ITPK1: variants seen among roughly 807,000 people sequenced by gnomAD.
The protein encoded by ITPK1 is inositol 1,3,4-trisphosphate 5/6-kinase.
In ITPK1, 21 loss-of-function variants were observed where a neutral mutation model predicts 45.3. The observed-to-expected ratio is 0.46, with a 90% confidence interval of 0.33 to 0.67. The LOEUF (loss-of-function observed/expected upper bound fraction) is 0.67. Among genes scored for constraint, ITPK1 ranks in the 30% least tolerant of loss-of-function variants. ITPK1 has a pLI of 0.02. For synonymous variants in ITPK1, 258 were observed against 253.6 expected, an observed-to-expected ratio of 1.02 and a Z score of -0.16; for missense variants, 474 against 573.5, an observed-to-expected ratio of 0.83 and a Z score of 1.77.
At chr14:92,973,388 G>T (rs1385416929) in intron 5 of ITPK1, among the ~76,000 whole-genome samples, 1 of 152,194 alleles carries the variant, frequency 6.6e-6, no homozygotes, top group Non-Finnish European at 1.5e-5. Flanking sequence ...AAGGAGGAGG[G>T]GCCTGCAATC....
intron 3 of ITPK1, among the ~76,000 whole-genome samples, chr14:93,022,806 G>A (rs562720806): frequency 1.3e-5 from 2 of 151,920 alleles, no homozygotes; most frequent in South Asian, 2.1e-4. Flanking sequence ...GATTACAGGC[G>A]TGAGCCACTG....
At chr14:93,049,047 A>G (rs186063394) in intron 3 of ITPK1, among the ~76,000 whole-genome samples, 2 of 152,366 alleles carry the variant, frequency 1.3e-5, no homozygotes, top group Admixed American at 1.3e-4. Flanking sequence ...GAAGCATCTC[A>G]TAACAGGCTC....
chr14:93,048,493 A>C (rs1307221722), intron 3 of ITPK1, among the ~76,000 whole-genome samples: 1 of 152,140 alleles, frequency 6.6e-6, no homozygotes, highest in East Asian at 1.9e-4. Flanking sequence ...TACTCCTTTC[A>C]AGTTTCTATT....
At chr14:93,029,275 C>T (rs920081892) in intron 3 of ITPK1, among the ~76,000 whole-genome samples, 1 of 152,118 alleles carries the variant, frequency 6.6e-6, no homozygotes. Flanking sequence ...AGAGCCAACA[C>T]CTCACACTGC....
In ITPK1 at chr14:93,110,088, A is replaced by G. The variant is rs533459276; in HGVS notation, c.95+4981T>C. Among the ~76,000 whole-genome samples, 5 of 152,266 alleles carry G rather than the reference A, an allele frequency of 3.3e-5. No individual in the cohort carries two copies. In the South Asian group the frequency reaches 1.0e-3, roughly 32 times the overall value. On this transcript the variant is annotated intron_variant, in intron 2 of 10. Transcript: ENST00000267615. ...TGAGGAAAGTGAGGCACAGAGGGGT[A>G]GGGAATGTGTCGAGGGTCATGGGGC... is the stretch of plus-strand genomic sequence containing the variant.
intron 2 of ITPK1, among the ~76,000 whole-genome samples, chr14:93,092,667 G>T (rs954369852): frequency 6.6e-6 from 1 of 152,250 alleles, no homozygotes; most frequent in African/African-American, 2.4e-5. Context: ...CATCCAGTAG[G>T]TGGAGGCCAG....
chr14:93,044,565 G>GC (rs1889698420), intron 3 of ITPK1, among the ~76,000 whole-genome samples: 1 of 152,150 alleles, frequency 6.6e-6, no homozygotes, highest in South Asian at 2.1e-4. Context: ...GAGCCACAGG[G>GC]CCCCCCAGGT....
At position 92,940,145 on chromosome 14, in the gene ITPK1, C is replaced by A; in HGVS notation, c.*1416G>T. On this transcript the variant is annotated 3_prime_UTR_variant, in exon 11 of 11. Transcript: ENST00000267615. ...TGAGCCAGGCCGAAGGACCTCCATGCACTGGCTCGGGGGCCTCTCTCGGGA... is the reference window on the plus strand; with the variant it reads ...TGAGCCAGGCCGAAGGACCTCCATGAACTGGCTCGGGGGCCTCTCTCGGGA... 1 of 985,854 alleles carries A rather than the reference C, an allele frequency of 1.0e-6. No homozygotes were observed. The highest frequency in any genetic ancestry group is 1.2e-6 in the Non-Finnish European group (1 of 830,100). 61.1% of individuals were successfully genotyped at this position (985,854 alleles called of 1,614,324 possible).
intron 3 of ITPK1, among the ~76,000 whole-genome samples, chr14:93,061,229 T>G (rs61991666): frequency 6.6e-6 from 1 of 152,256 alleles, no homozygotes; most frequent in Non-Finnish European, 1.5e-5. Flanking sequence ...TGATAAGTAC[T>G]TTGACACTGT....
chr14:92,993,484 C>T (rs1036437179), intron 5 of ITPK1, among the ~76,000 whole-genome samples: 7 of 152,132 alleles, frequency 4.6e-5, no homozygotes, highest in Non-Finnish European at 1.0e-4. Flanking sequence ...TACATCTCCA[C>T]GTGTTTGATT....
intron 2 of ITPK1, among the ~76,000 whole-genome samples, chr14:93,080,119 T>C (rs572881679): frequency 3.9e-5 from 6 of 152,286 alleles, no homozygotes; most frequent in African/African-American, 1.4e-4. Flanking sequence ...CTCCAAGACG[T>C]TGCTGTGTGA....
intron 10 of ITPK1, among the ~76,000 whole-genome samples, chr14:92,942,435 G>A (rs1177656113): frequency 1.3e-5 from 2 of 152,204 alleles, no homozygotes; most frequent in African/African-American, 4.8e-5. Flanking sequence ...CCAGGTGGAG[G>A]CTGCTGTGGC....
chr14:92,995,876 T>C (rs1481955681), intron 4 of ITPK1, among the ~76,000 whole-genome samples: 1 of 152,232 alleles, frequency 6.6e-6, no homozygotes, highest in Non-Finnish European at 1.5e-5. Flanking sequence ...CCACACCCAG[T>C]GCCTCTCTCC....
intron 3 of ITPK1, among the ~76,000 whole-genome samples, chr14:93,017,364 A>C (rs1888232881): frequency 6.6e-6 from 1 of 152,238 alleles, no homozygotes; most frequent in South Asian, 2.1e-4. Flanking sequence ...TTCACACTGA[A>C]ATCTGGGCTC....
chr14:93,050,367 C>T (rs1377286956), intron 3 of ITPK1, among the ~76,000 whole-genome samples: 1 of 152,126 alleles, frequency 6.6e-6, no homozygotes, highest in Non-Finnish European at 1.5e-5. Flanking sequence ...CGAATATGTC[C>T]TGTCTAGGGA....
At chr14:92,941,988 T>C (rs1294062436) in intron 10 of ITPK1, 84 bp from the exon 11 acceptor site, 7 of 1,182,100 alleles carry the variant, frequency 5.9e-6, no homozygotes, top group African/African-American at 3.1e-5. Flanking sequence ...GCAGAACCGA[T>C]GGGCTCCTGG....
At chr14:93,019,206 C>T (rs1369171411) in intron 3 of ITPK1, among the ~76,000 whole-genome samples, 4 of 152,194 alleles carry the variant, frequency 2.6e-5, no homozygotes, top group Admixed American at 1.3e-4. Context: ...GCGACGCATC[C>T]GGGCCCACAG....
rs1890605557 is a variant in ITPK1 at position 93,063,196 on chromosome 14, T to C, written c.120+13399A>G. Among the ~76,000 whole-genome samples, 1 of 152,172 alleles carries C rather than the reference T, an allele frequency of 6.6e-6. No homozygotes were observed. The highest frequency in any genetic ancestry group is 2.4e-5 in the African/African-American group (1 of 41,442). ...CTGTCAAAACACTGTAAATAACTTA[T>C]TTCTACTTGGCAGGGCCTGCGGCAA... On this transcript the variant is annotated intron_variant, in intron 3 of 10. Coordinates refer to ENST00000267615, the MANE Select transcript of ITPK1 (RefSeq NM_014216.6). This position sits in a 1 kb window ranked among gnomAD's most constrained non-coding sequence, Gnocchi z 4.3.
At chr14:93,071,450 C>A (rs1369637076) in intron 3 of ITPK1, 1 of 152,198 alleles carries the variant, frequency 6.6e-6, no homozygotes, top group African/African-American at 2.4e-5. Context: ...CAAACCCCCA[C>A]AAAATAAATG....
Sources: gnomAD v4.1 joint callset for allele counts (sites outside exome capture counted in the v4.1 genomes callset) on GRCh38, gnomAD v4.1.1 for gene constraint, Gnocchi (gnomAD v3.1) non-coding constraint, MANE v1.5 for transcripts, NCBI Gene and HGNC (gene_info 2026-07-23, HGNC 2026-07-21) for gene names.